The following STAU2 variants were observed in gnomAD, a reference collection of about 807,000 sequenced individuals.
The protein encoded by STAU2 is double-stranded RNA-binding protein Staufen homolog 2.
Under a neutral mutation model 65.9 loss-of-function variants are expected in STAU2, and 20 were observed. That is an observed-to-expected ratio of 0.30 (90% CI 0.21 to 0.44). STAU2 has a LOEUF of 0.44. STAU2 is among the 20% of genes least tolerant of loss of function. The probability of loss-of-function intolerance (pLI) is 1.00; values close to 1 mark genes in which losing one functional copy is unlikely to be tolerated. For synonymous variants in STAU2, 232 were observed against 233.9 expected (o/e 0.99, Z 0.07); for missense variants, 558 against 683.9 (o/e 0.82, Z 2.05).
At chr8:73,525,998 C>A (rs1424310911) in intron 13 of STAU2, among the ~76,000 whole-genome samples, 1 of 152,210 alleles carries the variant, frequency 6.6e-6, no homozygotes, top group Non-Finnish European at 1.5e-5. Context: ...CCATGCCCCT[C>A]AGGTTCCTAC....
At chr8:73,675,676 A>G (rs1256713746) in intron 5 of STAU2, 5 of 152,188 alleles carry the variant, frequency 3.3e-5, no homozygotes, top group African/African-American at 7.2e-5. Context: ...CTGTGGTCCC[A>G]TACTCTTCAT....
intron 6 of STAU2, among the ~76,000 whole-genome samples, chr8:73,659,217 G>T (rs566784008): frequency 6.6e-6 from 1 of 152,076 alleles, no homozygotes; most frequent in African/African-American, 2.4e-5. Flanking sequence ...GAAAGCCCAC[G>T]TATTTATATG....
chr8:73,595,537 C>T (rs978305484), intron 10 of STAU2, among the ~76,000 whole-genome samples: 1 of 151,926 alleles, frequency 6.6e-6, no homozygotes, highest in Non-Finnish European at 1.5e-5. Context: ...TTTTTACTTC[C>T]ATATATATTT....
At chr8:73,514,707 A>G (rs975671051) in intron 13 of STAU2, among the ~76,000 whole-genome samples, 2 of 152,144 alleles carry the variant, frequency 1.3e-5, no homozygotes, top group African/African-American at 4.8e-5. Context: ...TTTTTAAAAC[A>G]TTTCTGGCAC....
intron 13 of STAU2, chr8:73,550,645 A>G (rs1195737267): frequency 2.0e-6 from 2 of 980,914 alleles, no homozygotes; most frequent in Non-Finnish European, 2.4e-6. Flanking sequence ...ATAAATTGAG[A>G]TCTTTTTTAA....
intron 6 of STAU2, among the ~76,000 whole-genome samples, chr8:73,669,592 C>T (rs1817508024): frequency 6.6e-6 from 1 of 152,048 alleles, no homozygotes; most frequent in Non-Finnish European, 1.5e-5. Context: ...CAATGCCAGG[C>T]ACACTTCTAC....
intron 12 of STAU2, among the ~76,000 whole-genome samples, chr8:73,578,201 A>T (rs563833734): frequency 6.6e-6 from 1 of 152,322 alleles, no homozygotes; most frequent in East Asian, 1.9e-4. Context: ...TTAAAATCAC[A>T]ATTTAAATTC....
At chr8:73,544,313 T>C (rs1164921373) in intron 13 of STAU2, among the ~76,000 whole-genome samples, 1 of 151,828 alleles carries the variant, frequency 6.6e-6, no homozygotes, top group Non-Finnish European at 1.5e-5. Context: ...CTAATTGGTC[T>C]TTCTATTATC....
chr8:73,687,293 T>TTTATA (rs1256729863), intron 5 of STAU2, among the ~76,000 whole-genome samples: 3 of 126,566 alleles, frequency 2.4e-5, no homozygotes, highest in South Asian at 2.2e-4. Context: ...AAAATTTATA[T>TTTATA]TTATATTTAT....
chr8:73,460,526 G>T (rs9942841), intron 13 of STAU2, among the ~76,000 whole-genome samples: 1 of 152,196 alleles, frequency 6.6e-6, no homozygotes, highest in South Asian at 2.1e-4. Flanking sequence ...CAGAGGTAAA[G>T]GATGGCTAAA....
At chr8:73,628,240 AT>A (rs36043885) in intron 6 of STAU2, among the ~76,000 whole-genome samples, 90 of 146,312 alleles carry the variant, frequency 6.2e-4, no homozygotes, top group Middle Eastern at 7.0e-3. Flanking sequence ...TGCCTGGCTA[AT>A]TTTTTTTTTT....
At chr8:73,680,596 T>C (rs1349355123) in intron 5 of STAU2, among the ~76,000 whole-genome samples, 1 of 152,102 alleles carries the variant, frequency 6.6e-6, no homozygotes, top group African/African-American at 2.4e-5. Flanking sequence ...TCACCAGCGA[T>C]GGATCCAAAC....
rs919825224 is a variant in STAU2 at position 73,464,305 on chromosome 8, T to C, written c.1531-41603A>G. Among the ~76,000 whole-genome samples, 9 of 152,312 alleles carry C rather than the reference T, an allele frequency of 5.9e-5. No individual in the cohort carries two copies. In the East Asian group the frequency reaches 1.2e-3, roughly 20 times the overall value. The stretch of plus-strand genomic sequence containing the variant: ...AAGTCTCCATTTTCCCTCAGAATTG[T>C]CTCTGAATGAAGGTCCTTGCGGCTG... On this transcript the variant is annotated intron_variant, in intron 13 of 14. Coordinates refer to ENST00000524300, the MANE Select transcript of STAU2 (RefSeq NM_001164380.2).
At chr8:73,734,610 A>G (rs1215554472) in intron 3 of STAU2, among the ~76,000 whole-genome samples, 1 of 152,152 alleles carries the variant, frequency 6.6e-6, no homozygotes, top group African/African-American at 2.4e-5. Context: ...CCTGACCAAC[A>G]TGGTGAAACT....
At chr8:73,594,791 GA>G (rs1436883714) in intron 11 of STAU2, among the ~76,000 whole-genome samples, 9 of 152,132 alleles carry the variant, frequency 5.9e-5, no homozygotes, top group Non-Finnish European at 1.0e-4. Flanking sequence ...GGATAAGTCA[GA>G]ATTTTTATTT....
chr8:73,717,481 T>C (rs1821331515), intron 3 of STAU2, among the ~76,000 whole-genome samples: 1 of 152,250 alleles, frequency 6.6e-6, no homozygotes, highest in Admixed American at 6.5e-5. Context: ...TGTATATCAA[T>C]ATCCAATTGT....
rs138076328 is a variant in STAU2, at chr8:73,733,897, T to C, written c.-18+4387A>G. On this transcript the variant is annotated intron_variant, in intron 3 of 14. Transcript: ENST00000524300. ...AAAATCCACATACATCTTTGACTAG[T>C]ATTTCCATTTCTAATAATTAATTCT... Among the ~76,000 whole-genome samples the C allele has an allele frequency of 3.7e-3, 570 of 152,274 alleles. 2 individuals are homozygous for C. The highest frequency in any genetic ancestry group is 6.5e-3 in the Non-Finnish European group (442 of 68,006).
chr8:73,663,920 A>G (rs1294702069), intron 6 of STAU2, among the ~76,000 whole-genome samples: 4 of 152,276 alleles, frequency 2.6e-5, no homozygotes, highest in Non-Finnish European at 5.9e-5. Context: ...GTAGCTTTTC[A>G]GTACTTTTGA....
chr8:73,477,185 G>GGCT (rs899557927), intron 13 of STAU2, among the ~76,000 whole-genome samples: 3 of 152,082 alleles, frequency 2.0e-5, no homozygotes, highest in African/African-American at 7.2e-5. Context: ...GAAGAGTTGG[G>GGCT]GCTACAGAGA....
Sources: gnomAD v4.1 joint callset for allele counts (sites outside exome capture counted in the v4.1 genomes callset) on GRCh38, gnomAD v4.1.1 for gene constraint, MANE v1.5 for transcripts, NCBI Gene and HGNC (gene_info 2026-07-23, HGNC 2026-07-21) for gene names.